UBXN11: variants seen among roughly 807,000 people sequenced by gnomAD.
UBXN11 encodes UBX domain-containing protein 11.
In UBXN11, 47 loss-of-function variants were observed where a neutral mutation model predicts 62.8. The ratio of observed to expected loss-of-function variants is 0.75; its 90% CI spans 0.59 to 0.95. UBXN11 has a LOEUF of 0.95. Ranked by LOEUF, UBXN11 falls within the 40% of genes least tolerant of loss-of-function variation. The probability of loss-of-function intolerance (pLI) is 0.00; values close to 1 mark genes in which losing one functional copy is unlikely to be tolerated. For missense variants in UBXN11, 638 were observed against 661.7 expected (o/e 0.96, Z 0.39); for synonymous variants, 294 against 267.0 (o/e 1.10, Z -0.99).
At chr1:26,292,856 A>G (rs989752197) in intron 8 of UBXN11, among the ~76,000 whole-genome samples, 15 of 150,118 alleles carry the variant, frequency 1.0e-4, no homozygotes, top group African/African-American at 3.4e-4. Context: ...CTCCATCTCA[A>G]AAAAAAAAAG....
At chr1:26,291,501 G>T (rs1221749454) in intron 8 of UBXN11, among the ~76,000 whole-genome samples, 1 of 152,214 alleles carries the variant, frequency 6.6e-6, no homozygotes, top group African/African-American at 2.4e-5. Flanking sequence ...GGCACTCAGA[G>T]CACAAACAAC....
rs1242991442 is a variant in UBXN11, at chr1:26,286,019, G to A, written c.578C>T (p.Pro193Leu). Reference sequence around the variant, plus strand: ...CAGCAGCCTGTCAAAGTCCACCTCAGGGGGCGCCAATGAGTCCCCTGGCAA... The same window carrying A: ...CAGCAGCCTGTCAAAGTCCACCTCAAGGGGCGCCAATGAGTCCCCTGGCAA... The part of the protein sequence containing the change: ...FWKPGDSLAP[P>L]EVDFDRLLAS... Residue 193 changes from proline (P) to leucine (L), a missense_variant, in exon 9 of 15, where the codon CCT (proline) becomes CTT (leucine). Pro to Leu is a moderately conservative substitution (Grantham distance 98). Coordinates refer to ENST00000374222, the MANE Select transcript of UBXN11 (RefSeq NM_001389556.1). 1 of 1,606,376 alleles carries A rather than the reference G, an allele frequency of 6.2e-7. No homozygotes were observed. The highest frequency in any genetic ancestry group is 2.2e-5 in the East Asian group (1 of 44,676).
intron 1 of UBXN11, among the ~76,000 whole-genome samples, chr1:26,316,434 A>T (rs1235570866): frequency 1.3e-5 from 2 of 151,448 alleles, no homozygotes; most frequent in Non-Finnish European, 2.9e-5. Context: ...AGAGTGGGCC[A>T]GAGCTGGGGT....
chr1:26,284,339 C>T, intron 11 of UBXN11, 23 bp downstream of exon 11: 1 of 1,613,996 alleles, frequency 6.2e-7, no homozygotes, highest in Non-Finnish European at 8.5e-7. Flanking sequence ...AGCCCCCTGG[C>T]TCAGCCTGGA....
chr1:26,287,053 T>G (rs1300112371), intron 8 of UBXN11, among the ~76,000 whole-genome samples: 4 of 150,802 alleles, frequency 2.7e-5, no homozygotes, highest in African/African-American at 9.8e-5. Context: ...CCCACAGAGA[T>G]GAAAAATGAC....
At chr1:26,297,597 C>CA in intron 5 of UBXN11, 116 bp from the exon 6 acceptor site, 1 of 1,249,778 alleles carries the variant, frequency 8.0e-7, no homozygotes, top group Non-Finnish European at 1.1e-6. Flanking sequence ...GCCCCTGCCA[C>CA]CCTTTGGCAC....
Position 26,285,920 on chromosome 1 carries a change from C to T in UBXN11, c.677G>A (p.Arg226Gln), listed in dbSNP as rs539223344. The change falls in exon 9 of 15, where the codon CGG becomes CAG. Residue 226 changes from arginine to glutamine, a missense_variant. By Grantham distance (43) the Arg-to-Gln change is conservative. Coordinates refer to ENST00000374222, the MANE Select transcript of UBXN11 (RefSeq NM_001389556.1). ...TQVTPVPGGA[R>Q]LRTLEPIPLK... ...CGGGATGGGCTCGAGGGTACGCAGC[C>T]GTGCCCCGCCGGGCACTGGTGTCAC... 9 of 1,613,658 alleles carry T rather than the reference C, an allele frequency of 5.6e-6. No homozygotes were observed. Among genetic ancestry groups the T allele is most frequent in the South Asian group, 1.1e-5 (1 of 91,058 alleles).
At chr1:26,318,083 G>A (rs1253673768) in exon 1 of UBXN11, 14 of 1,613,004 alleles carry the variant, frequency 8.7e-6, no homozygotes, top group East Asian at 4.5e-5. Flanking sequence ...TAAGAGCAAC[G>A]CCTGGCACCA....
chr1:26,300,132 T>C (rs1381921041), intron 4 of UBXN11, among the ~76,000 whole-genome samples: 1 of 152,102 alleles, frequency 6.6e-6, no homozygotes, highest in South Asian at 2.1e-4. Flanking sequence ...TCCGGTAAAA[T>C]GGAAGGGGCC....
chr1:26,302,746 T>C, intron 2 of UBXN11, 67 bp downstream of exon 2: 1 of 1,540,042 alleles, frequency 6.5e-7, no homozygotes, highest in Non-Finnish European at 8.9e-7. Context: ...CACTGTCCTC[T>C]GGCCATGGAA....
intron 11 of UBXN11, 37 bp from the exon 12 acceptor site, chr1:26,284,282 C>T: frequency 6.2e-7 from 1 of 1,609,212 alleles, no homozygotes; most frequent in Non-Finnish European, 8.5e-7. Context: ...CCAGGAAGGA[C>T]TATGAGTGGT....
intron 8 of UBXN11, among the ~76,000 whole-genome samples, chr1:26,289,812 C>T (rs1051502993): frequency 6.6e-6 from 1 of 152,246 alleles, no homozygotes; most frequent in South Asian, 2.1e-4. Flanking sequence ...CGGCAGCTCA[C>T]GCGGTGCCGC....
At chr1:26,285,685 G>A (rs1354080216) in intron 9 of UBXN11, 138 bp downstream of exon 9, 3 of 1,369,288 alleles carry the variant, frequency 2.2e-6, no homozygotes, top group African/African-American at 1.5e-5. Context: ...CTTGGGAGAG[G>A]GGCCTCTGCA....
chr1:26,315,378 TCA>T (rs939611543), intron 1 of UBXN11, among the ~76,000 whole-genome samples: 30 of 152,326 alleles, frequency 2.0e-4, no homozygotes, highest in African/African-American at 7.0e-4. Flanking sequence ...CAGAGTAATC[TCA>T]GACTTCAACA....
intron 8 of UBXN11, among the ~76,000 whole-genome samples, chr1:26,288,479 A>C (rs2073181640): frequency 6.6e-6 from 1 of 152,146 alleles, no homozygotes; most frequent in South Asian, 2.1e-4. Flanking sequence ...CAGCACTGAG[A>C]GAATGAGGTG....
At chr1:26,289,837 C>A (rs2073217738) in intron 8 of UBXN11, among the ~76,000 whole-genome samples, 1 of 152,214 alleles carries the variant, frequency 6.6e-6, no homozygotes, top group Admixed American at 6.5e-5. Context: ...CATGTGCCTG[C>A]CCTTGACCCT....
Position 26,282,566 on chromosome 1 carries a change from G to C in UBXN11, c.1296C>G (p.Val432=), listed in dbSNP as rs2073023544. 1.2e-6 allele frequency: 2 copies of C among 1,601,242 alleles called. No homozygotes were observed. The highest frequency in any genetic ancestry group is 3.4e-5 in the Admixed American group (2 of 59,380). Residue 432 remains valine, a synonymous_variant, in exon 15 of 15, where the codon GTC becomes GTG. Transcript: ENST00000374222. The stretch of plus-strand genomic sequence containing the variant: ...AGATCTCAAAGGCAGAGGCATCCAT[G>C]ACCCTGGGGACCAGGCAGAGCAGAT... ...DVRALLAQAR[V]MDASAFEIFS...
At chr1:26,315,573 G>A (rs925981275) in intron 1 of UBXN11, among the ~76,000 whole-genome samples, 1 of 152,108 alleles carries the variant, frequency 6.6e-6, no homozygotes, top group South Asian at 2.1e-4. Flanking sequence ...GATGGCTGGG[G>A]ACTCCTCCCT....
chr1:26,285,474 A>C lies in UBXN11; in HGVS notation c.842T>G (p.Val281Gly), dbSNP rs1016025336. The C allele has an allele frequency of 1.3e-5, 21 of 1,609,012 alleles. No homozygotes were observed. Among genetic ancestry groups the C allele is most frequent in the Non-Finnish European group, 1.8e-5 (21 of 1,177,062 alleles). The change falls in exon 10 of 15, where the codon GTC (valine) becomes GGC (glycine). Residue 281 changes from valine (V) to glycine (G), a missense_variant. Val to Gly is a moderately radical substitution (Grantham distance 109). Transcript: ENST00000374222. ...GGAGCAGCTTATCACCTTAAAGGGG[A>C]CCCCATTGGGGTACAGTCGCTGGAG... is the stretch of plus-strand genomic sequence containing the variant. ...SELQRLYPNG[V>G]PFKVSDLRNQ... is the part of the protein sequence containing the mutation.
Sources: allele counts gnomAD v4.1 joint callset (sites outside exome capture counted in the v4.1 genomes callset), GRCh38; gene constraint gnomAD v4.1.1; transcripts MANE v1.5; gene names NCBI Gene and HGNC (gene_info 2026-07-23, HGNC 2026-07-21).